SLC6A2: variants seen among roughly 807,000 people sequenced by gnomAD.
The protein encoded by SLC6A2 is solute carrier family 6 member 2.
A neutral mutation model predicts 71.7 loss-of-function variants in SLC6A2; 26 were observed. The ratio of observed to expected loss-of-function variants is 0.36; its 90% confidence interval spans 0.27 to 0.50. SLC6A2 has a LOEUF of 0.50. SLC6A2 is among the 20% of genes least tolerant of loss of function. SLC6A2 has a pLI of 0.96. For missense variants in SLC6A2, 581 were observed against 803.9 expected (o/e 0.72, Z 3.35); for synonymous variants, 363 against 337.9 (o/e 1.07, Z -0.82).
chr16:55,661,380 C>T (rs77073437), intron 2 of SLC6A2, among the ~76,000 whole-genome samples: 3 of 152,296 alleles, frequency 2.0e-5, no homozygotes, highest in Non-Finnish European at 4.4e-5. Context: ...CTGATCTGAG[C>T]TTCAGTTTCC....
chr16:55,687,661 T>C (rs758090962), intron 5 of SLC6A2, among the ~76,000 whole-genome samples: 11 of 152,214 alleles, frequency 7.2e-5, no homozygotes, highest in Non-Finnish European at 1.2e-4. Context: ...ACCCTGTGAA[T>C]TGCAGAAGAT....
At position 55,701,873 on chromosome 16, in the gene SLC6A2, A is replaced by G. The variant is rs1301522557; in HGVS notation, c.1769A>G (p.Tyr590Cys). Residue 590 changes from tyrosine (Y) to cysteine (C), a missense_variant, in exon 14 of 15, where the codon TAT becomes TGT. By Grantham distance (194) the Tyr-to-Cys change is radical. Around this residue, in one of 5 missense-constraint regions of SLC6A2, gnomAD observed 334 missense variants for 449.0 expected, o/e 0.74. Transcript: ENST00000568943. The stretch of plus-strand genomic sequence containing the variant: ...TTCTCTTCCTTTCAGAGACTGGCCT[A>G]TGGCATCACGCCAGAGAACGAGCAC... ...TQGSLWERLA[Y>C]GITPENEHHL... The G allele has an allele frequency of 2.5e-6, 4 of 1,613,636 alleles. No individual in the cohort carries two copies. The African/African-American group carries it at 4.0e-5, about 16-fold the overall frequency.
Position 55,702,581 on chromosome 16 carries a change from T to G in SLC6A2, c.*235T>G. On this transcript the variant is annotated 3_prime_UTR_variant, in exon 15 of 15. Transcript: ENST00000568943. ...GAGGAGCAAACAGGAAAATGACTTC[T>G]GTTCTGTCCCCGCTGTTTTGGGGGA... 2 of 1,432,686 alleles carry G rather than the reference T, an allele frequency of 1.4e-6. No individual in the cohort carries two copies. Among genetic ancestry groups the G allele is most frequent in the Non-Finnish European group, 1.8e-6 (2 of 1,094,312 alleles). The allele number at this position is 1,432,686 out of a possible 1,614,324, so 88.7% of individuals were successfully genotyped here.
chr16:55,690,870 C>A (rs533445309), intron 5 of SLC6A2, among the ~76,000 whole-genome samples: 3 of 152,206 alleles, frequency 2.0e-5, no homozygotes, highest in Admixed American at 2.0e-4. Context: ...CTATATAACA[C>A]CCCCATCCCT....
At chr16:55,687,709 C>A (rs1965498523) in intron 5 of SLC6A2, among the ~76,000 whole-genome samples, 1 of 152,176 alleles carries the variant, frequency 6.6e-6, no homozygotes, top group African/African-American at 2.4e-5. Flanking sequence ...TGGCATAGGA[C>A]CACCACAAAC....
At chr16:55,668,629 C>T (rs776123050) in intron 2 of SLC6A2, among the ~76,000 whole-genome samples, 2 of 152,158 alleles carry the variant, frequency 1.3e-5, no homozygotes, top group Non-Finnish European at 2.9e-5. Context: ...CAGTGAGTCA[C>T]CTCGCAGAGT....
At chr16:55,657,112 ACG>A in intron 2 of SLC6A2, 144 bp downstream of exon 2, 1 of 832,188 alleles carries the variant, frequency 1.2e-6, no homozygotes. Context: ...GACAGGGCTA[ACG>A]GGAAAAAAAA....
In SLC6A2 at chr16:55,705,308, G is replaced by T. The variant is rs1567463947; in HGVS notation, c.*2962G>T. On this transcript the variant is annotated 3_prime_UTR_variant, in exon 15 of 15. Coordinates refer to ENST00000568943, the MANE Select transcript of SLC6A2 (RefSeq NM_001172501.3). ...CTGAAGCTGCCTTAATTCTCAAAAG[G>T]AGTTACCGCTCAGCTGGGAGCCAGT... The T allele has an allele frequency of 1.4e-6, 2 of 1,474,362 alleles. No individual in the cohort carries two copies. Among genetic ancestry groups the T allele is most frequent in the Admixed American group, 4.0e-5 (2 of 50,422 alleles). 91.3% of individuals were successfully genotyped at this position (1,474,362 alleles called of 1,614,324 possible).
At chr16:55,701,344 A>T (rs1188196524) in intron 13 of SLC6A2, among the ~76,000 whole-genome samples, 1 of 152,148 alleles carries the variant, frequency 6.6e-6, no homozygotes, top group African/African-American at 2.4e-5. Context: ...CTGGGACCTG[A>T]GCCTTCTATT....
intron 4 of SLC6A2, among the ~76,000 whole-genome samples, chr16:55,680,687 T>G (rs1335364995): frequency 6.6e-6 from 1 of 152,124 alleles, no homozygotes; most frequent in Non-Finnish European, 1.5e-5. Flanking sequence ...GTACTTTGCA[T>G]CCTTCAATCC....
chr16:55,687,125 G>A (rs1437005522), intron 5 of SLC6A2, among the ~76,000 whole-genome samples: 1 of 942 alleles, frequency 1.1e-3, no homozygotes, highest in Non-Finnish European at 2.8e-3. Context: ...GAACATATGT[G>A]TGTGTCCCCA....
chr16:55,685,093 G>A lies in SLC6A2; in HGVS notation c.645-50G>A, dbSNP rs755054948. The A allele has an allele frequency of 1.6e-5, 25 of 1,601,980 alleles. No homozygotes were observed. In the East Asian group the frequency reaches 1.6e-4, roughly 10 times the overall value. ...CTGGTCTGTGGTCACGGCCTCTGTC[G>A]TCCTCCCTGACGACATTTACCCTGG... On this transcript the variant is annotated intron_variant, in intron 4 of 14. Coordinates refer to ENST00000568943, the MANE Select transcript of SLC6A2 (RefSeq NM_001172501.3).
intron 9 of SLC6A2, among the ~76,000 whole-genome samples, chr16:55,697,428 C>G (rs1965833359): frequency 6.6e-6 from 1 of 152,156 alleles, no homozygotes; most frequent in Non-Finnish European, 1.5e-5. Context: ...TTTGAAGTGA[C>G]CACTTTGCTT....
chr16:55,692,397 A>G (rs1398457108), intron 6 of SLC6A2, among the ~76,000 whole-genome samples: 3 of 152,138 alleles, frequency 2.0e-5, no homozygotes, highest in Non-Finnish European at 4.4e-5. Context: ...CACCCCAGCC[A>G]TTCCCTGCCC....
At chr16:55,687,557 TCTAGCACTCTCTGTGCCTTTC>T (rs1409685305) in intron 5 of SLC6A2, among the ~76,000 whole-genome samples, 1 of 143,456 alleles carries the variant, frequency 7.0e-6, no homozygotes, top group African/African-American at 2.7e-5. Context: ...GCCAGCCTTG[TCTAGCACTCTCTGTGCCTTTC>T]CTGGGTACCA....
intron 13 of SLC6A2, 100 bp downstream of exon 13, chr16:55,700,406 A>G: frequency 9.3e-7 from 1 of 1,076,060 alleles, no homozygotes. Context: ...GGACAGAAGG[A>G]CACAGACACT....
rs1289056645 is a variant in SLC6A2, at chr16:55,697,893, C to T, written c.1261-4C>T. On this transcript the variant is annotated splice_region_variant and splice_polypyrimidine_tract_variant and intron_variant, in intron 9 of 14. Coordinates refer to ENST00000568943, the MANE Select transcript of SLC6A2 (RefSeq NM_001172501.3). ...TGCACCCCACCCCTCCTGGTTCCCT[C>T]CAGATGGGAGGCATGGAGGCTGTCA... 1 of 1,614,034 alleles carries T rather than the reference C, an allele frequency of 6.2e-7. No homozygotes were observed. The highest frequency in any genetic ancestry group is 1.1e-5 in the South Asian group (1 of 91,066).
intron 4 of SLC6A2, among the ~76,000 whole-genome samples, chr16:55,680,901 C>T (rs1338791464): frequency 1.3e-5 from 2 of 152,086 alleles, no homozygotes; most frequent in African/African-American, 4.8e-5. Context: ...GGGATGGGAG[C>T]CATTCTGGGG....
At chr16:55,672,718 T>G (rs1182099529) in intron 4 of SLC6A2, among the ~76,000 whole-genome samples, 7 of 152,140 alleles carry the variant, frequency 4.6e-5, no homozygotes, top group African/African-American at 1.7e-4. Context: ...CCTTCTGGAG[T>G]TCCCATGGGG....
Sources: allele counts gnomAD v4.1 joint callset (sites outside exome capture counted in the v4.1 genomes callset), GRCh38; gene constraint gnomAD v4.1.1; regional missense constraint gnomAD v4.1.1; transcripts MANE v1.5; gene names NCBI Gene and HGNC (gene_info 2026-07-23, HGNC 2026-07-21).